The following EDARADD variants were observed in gnomAD, a reference collection of about 807,000 sequenced individuals.
EDARADD encodes ectodysplasin-A receptor-associated adapter protein.
EDARADD carries 20 observed loss-of-function variants against 25.6 expected under a neutral mutation model. The ratio of observed to expected loss-of-function variants is 0.78; its 90% CI spans 0.55 to 1.14. The LOEUF is 1.14. EDARADD is among the 50% of genes most tolerant of loss of function. The pLI is 0.00. For synonymous variants in EDARADD, 86 were observed against 94.4 expected (o/e 0.91, Z 0.52); for missense variants, 225 against 270.1 (o/e 0.83, Z 1.17).
chr1:236,470,814 G>T (rs531631427), intron 5 of EDARADD, among the ~76,000 whole-genome samples: 47 of 152,196 alleles, frequency 3.1e-4, no homozygotes, highest in African/African-American at 1.1e-3. Context: ...TGCCATGTTG[G>T]CCAGGTTGGT....
At chr1:236,459,463 C>T (rs1658980616) in intron 4 of EDARADD, among the ~76,000 whole-genome samples, 1 of 152,154 alleles carries the variant, frequency 6.6e-6, no homozygotes, top group African/African-American at 2.4e-5. Context: ...TTCAACTCAA[C>T]TCCAGAAGAA....
At chr1:236,401,019 G>A (rs1477238390) in intron 1 of EDARADD, among the ~76,000 whole-genome samples, 2 of 151,926 alleles carry the variant, frequency 1.3e-5, no homozygotes, top group African/African-American at 4.8e-5. Flanking sequence ...CCAACATGGC[G>A]AAACCCCATG....
intron 3 of EDARADD, among the ~76,000 whole-genome samples, chr1:236,381,296 A>G (rs980363024): frequency 1.3e-5 from 2 of 151,936 alleles, no homozygotes; most frequent in African/African-American, 4.8e-5. Context: ...CTAAAGATAC[A>G]CCATTCATTT....
intron 3 of EDARADD, among the ~76,000 whole-genome samples, chr1:236,360,825 G>A (rs1259542074): frequency 2.0e-5 from 3 of 152,044 alleles, no homozygotes; most frequent in African/African-American, 7.2e-5. Context: ...GGGATTAGAA[G>A]TGTGAGCCAC....
At chr1:236,393,391 CTTTTTTTTTTTT>C (rs761525038), upstream of EDARADD, among the ~76,000 whole-genome samples, 1 of 87,212 alleles carries the variant, frequency 1.1e-5, no homozygotes, top group Non-Finnish European at 1.9e-5. Context: ...TTCTTTCTTT[CTTTTTTTTTTTT>C]TTTTTTTTTT....
intron 3 of EDARADD, among the ~76,000 whole-genome samples, chr1:236,371,638 C>T (rs889965019): frequency 4.0e-5 from 6 of 150,328 alleles, no homozygotes; most frequent in Non-Finnish European, 5.9e-5. Context: ...GGCACGATCT[C>T]GGCTCACTGC....
intron 4 of EDARADD, among the ~76,000 whole-genome samples, chr1:236,463,927 G>C (rs1412641946): frequency 6.6e-6 from 1 of 152,192 alleles, no homozygotes; most frequent in Non-Finnish European, 1.5e-5. Flanking sequence ...GGCATCCTGT[G>C]GGGTGCACGG....
intron 3 of EDARADD, among the ~76,000 whole-genome samples, chr1:236,385,089 C>CTT (rs34509027): frequency 0.035 from 4,242 of 121,864 alleles, 312 homozygotes; most frequent in East Asian, 0.27. Context: ...CCTTTTGATT[C>CTT]TTTTTTTTTT....
At chr1:236,469,488 A>AAATAAT (rs373192177) in intron 5 of EDARADD, among the ~76,000 whole-genome samples, 6 of 151,738 alleles carry the variant, frequency 4.0e-5, no homozygotes, top group Non-Finnish European at 7.4e-5. Context: ...AATGCTAGCA[A>AAATAAT]AATAATAATA....
At chr1:236,446,146 A>G (rs1373904227) in intron 4 of EDARADD, among the ~76,000 whole-genome samples, 1 of 152,228 alleles carries the variant, frequency 6.6e-6, no homozygotes, top group Non-Finnish European at 1.5e-5. Flanking sequence ...CATTTTTTAA[A>G]CAAAGACACA....
At chr1:236,428,507 C>T (rs1657988379) in intron 4 of EDARADD, among the ~76,000 whole-genome samples, 1 of 151,978 alleles carries the variant, frequency 6.6e-6, no homozygotes, top group African/African-American at 2.4e-5. Flanking sequence ...GACGGGGTGG[C>T]GGCCGGGCAG....
At chr1:236,430,688 G>A (rs1306633811) in intron 4 of EDARADD, among the ~76,000 whole-genome samples, 2 of 152,154 alleles carry the variant, frequency 1.3e-5, no homozygotes, top group Admixed American at 6.5e-5. Flanking sequence ...ATAATCTATA[G>A]GATTTGTTTT....
chr1:236,464,188 G>A (rs191725030), intron 4 of EDARADD, among the ~76,000 whole-genome samples: 90 of 151,956 alleles, frequency 5.9e-4, no homozygotes, highest in African/African-American at 1.7e-3. Flanking sequence ...ATCGCTGCTC[G>A]TCTACTCCTC....
intron 5 of EDARADD, among the ~76,000 whole-genome samples, chr1:236,472,504 G>A: frequency 6.6e-6 from 1 of 152,116 alleles, no homozygotes; most frequent in East Asian, 1.9e-4. Context: ...CTATGGCCAA[G>A]GTTGAGAACC....
At chr1:236,456,926 G>A (rs866401759) in intron 4 of EDARADD, among the ~76,000 whole-genome samples, 4 of 152,130 alleles carry the variant, frequency 2.6e-5, no homozygotes, top group African/African-American at 7.2e-5. Flanking sequence ...GCCTTGCCAA[G>A]CCCGGGGCTT....
At chr1:236,390,330 C>T (rs1035912751), upstream of EDARADD, among the ~76,000 whole-genome samples, 4 of 152,008 alleles carry the variant, frequency 2.6e-5, no homozygotes, top group Non-Finnish European at 2.9e-5. Flanking sequence ...CCGAGGCGGG[C>T]GGATCACGAG....
intron 2 of EDARADD, 29 bp from the exon 3 acceptor site, chr1:236,414,231 T>G (rs770505194): frequency 2.7e-5 from 43 of 1,592,676 alleles, no homozygotes; most frequent in Non-Finnish European, 3.6e-5. Flanking sequence ...CATTTAAAAA[T>G]AATTCTCCTC....
intron 2 of EDARADD, among the ~76,000 whole-genome samples, chr1:236,412,854 A>G (rs1198808578): frequency 6.6e-6 from 1 of 152,170 alleles, no homozygotes; most frequent in African/African-American, 2.4e-5. Flanking sequence ...GAAATAGACA[A>G]GTACTGTTTA....
At chr1:236,466,465 A>ACACACT (rs1659192949) in intron 4 of EDARADD, among the ~76,000 whole-genome samples, 3 of 151,698 alleles carry the variant, frequency 2.0e-5, no homozygotes, top group African/African-American at 7.3e-5. Flanking sequence ...ACACACTCAC[A>ACACACT]CTCACACACT....
Sources: allele counts gnomAD v4.1 joint callset (sites outside exome capture counted in the v4.1 genomes callset), GRCh38; gene constraint gnomAD v4.1.1; transcripts MANE v1.5; gene names NCBI Gene and HGNC (gene_info 2026-07-23, HGNC 2026-07-21).